The following PDPR variants were observed in gnomAD, a reference collection of about 807,000 sequenced individuals.
PDPR encodes pyruvate dehydrogenase phosphatase regulatory subunit.
In PDPR, 50 loss-of-function variants were observed where a neutral mutation model predicts 102.2. The ratio of observed to expected loss-of-function variants is 0.49; its 90% CI spans 0.39 to 0.62. The LOEUF (loss-of-function observed/expected upper bound fraction) is 0.62, where lower values mean the gene tolerates loss of function less well. PDPR is among the 20% of genes least tolerant of loss of function. PDPR has a pLI of 0.00. For synonymous variants in PDPR, 259 were observed against 406.0 expected (o/e 0.64, Z 4.35); for missense variants, 625 against 1,098.2 (o/e 0.57, Z 6.09).
In PDPR at chr16:70,114,940, C is replaced by G. The variant is rs1459691516; in HGVS notation, c.-33+10C>G. 1 of 152,172 alleles carries G rather than the reference C, an allele frequency of 6.6e-6. No individual in the cohort carries two copies. The highest frequency in any genetic ancestry group is 6.5e-5 in the Admixed American group (1 of 15,274). 9.4% of individuals were successfully genotyped at this position (152,172 alleles called of 1,614,324 possible). On this transcript the variant is annotated intron_variant, in intron 2 of 18. Coordinates refer to ENST00000288050, the MANE Select transcript of PDPR (RefSeq NM_017990.5). ...AATCTGGGACAGGGCAGTAAGCTTC[C>G]TTCTTAATGTTTGACCTTTGGGGGC...
At chr16:70,149,662 G>GCATT (rs1347791953) in intron 17 of PDPR, among the ~76,000 whole-genome samples, 1 of 152,272 alleles carries the variant, frequency 6.6e-6, no homozygotes, top group African/African-American at 2.4e-5. Context: ...CAGTGGCGTA[G>GCATT]CATTCCATTG....
intron 4 of PDPR, 62 bp from the exon 5 acceptor site, chr16:70,128,722 T>A: frequency 1.2e-6 from 2 of 1,612,748 alleles, no homozygotes; most frequent in East Asian, 4.5e-5. Context: ...TCTAGTGGAT[T>A]TTCCACTCTC....
In PDPR at chr16:70,158,840, GCCT is replaced by G. The variant is rs1245944694; in HGVS notation, c.*1966_*1968del. 7.2e-5 allele frequency: 11 copies of G among 152,728 alleles called. No homozygotes were observed. In the East Asian group the frequency reaches 1.9e-3, roughly 27 times the overall value. 9.5% of individuals were successfully genotyped at this position (152,728 alleles called of 1,614,324 possible). On this transcript the variant is annotated 3_prime_UTR_variant, in exon 19 of 19. Transcript: ENST00000288050. Reference sequence around the variant, plus strand: ...GGAGACAGGTGACTGAGAGCTGCAGGCCTCCTCTGCTCTTCCAAACACGTAGCA... The same window carrying G: ...GGAGACAGGTGACTGAGAGCTGCAGGCCTCTGCTCTTCCAAACACGTAGCA...
intron 13 of PDPR, 69 bp from the exon 14 acceptor site, chr16:70,143,441 G>A: frequency 1.3e-6 from 2 of 1,566,624 alleles, no homozygotes; most frequent in Middle Eastern, 1.7e-4. Flanking sequence ...GTTCATTGCT[G>A]GTGGGGCCAT....
Position 70,114,927 on chromosome 16 carries a change from G to C in PDPR, c.-36G>C, listed in dbSNP as rs1169828572. Reference sequence around the variant, plus strand: ...AGTCACCTAGAAAAATCTGGGACAGGGCAGTAAGCTTCCTTCTTAATGTTT... The same window carrying C: ...AGTCACCTAGAAAAATCTGGGACAGCGCAGTAAGCTTCCTTCTTAATGTTT... On this transcript the variant is annotated 5_prime_UTR_variant, in exon 2 of 19. Coordinates refer to ENST00000288050, the MANE Select transcript of PDPR (RefSeq NM_017990.5). The C allele has an allele frequency of 6.6e-6, 1 of 152,214 alleles. No individual in the cohort carries two copies. Among genetic ancestry groups the C allele is most frequent in the Non-Finnish European group, 1.5e-5 (1 of 68,066 alleles). 9.4% of individuals were successfully genotyped at this position (152,214 alleles called of 1,614,324 possible).
At chr16:70,119,724 A>G (rs1319423938) in intron 2 of PDPR, among the ~76,000 whole-genome samples, 2 of 149,666 alleles carry the variant, frequency 1.3e-5, no homozygotes, top group Non-Finnish European at 2.9e-5. Context: ...TTACTCTATC[A>G]TGTTAGCTTT....
chr16:70,123,385 C>T (rs1166986286), intron 3 of PDPR, among the ~76,000 whole-genome samples: 2 of 152,202 alleles, frequency 1.3e-5, no homozygotes, highest in African/African-American at 4.8e-5. Flanking sequence ...TACAGGCATG[C>T]ACTACCATGC....
Position 70,130,535 on chromosome 16 carries a change from T to C in PDPR, c.720T>C (p.Cys240=), listed in dbSNP as rs199521837. 5.5e-4 allele frequency: 886 copies of C among 1,613,454 alleles called. 1 individual carries two copies. The highest frequency in any genetic ancestry group is 6.9e-4 in the Non-Finnish European group (809 of 1,179,434). The change falls in exon 7 of 19, where the codon TGT becomes TGC. Residue 240 remains cysteine (C), a synonymous_variant. Coordinates refer to ENST00000288050, the MANE Select transcript of PDPR (RefSeq NM_017990.5). Reference sequence around the variant, plus strand: ...TTGAATGCCAGTATTTTGTCAACTGTGCTGGCCAGGTAGGTCAGCACCAAC... The same window carrying C: ...TTGAATGCCAGTATTTTGTCAACTGCGCTGGCCAGGTAGGTCAGCACCAAC... The part of the protein sequence containing the change: ...GQIECQYFVN[C]AGQWAYELGL...
intron 10 of PDPR, among the ~76,000 whole-genome samples, chr16:70,137,480 CAG>C (rs1965269621): frequency 6.6e-6 from 1 of 152,244 alleles, no homozygotes; most frequent in Admixed American, 6.5e-5. Flanking sequence ...ATCATAGAGA[CAG>C]AAAGTACAAT....
At chr16:70,122,107 C>T (rs546085533) in intron 3 of PDPR, among the ~76,000 whole-genome samples, 1 of 152,382 alleles carries the variant, frequency 6.6e-6, no homozygotes, top group South Asian at 2.1e-4. Flanking sequence ...CTGCCTCAGC[C>T]TCCCGAGTTG....
chr16:70,137,091 G>A (rs972207703), intron 10 of PDPR, among the ~76,000 whole-genome samples: 3 of 152,028 alleles, frequency 2.0e-5, no homozygotes, highest in Admixed American at 6.6e-5. Context: ...AGTGGCTCAC[G>A]CTTGTAATCC....
rs116899768 is a variant in PDPR at position 70,124,368 on chromosome 16, A to C, written c.228-2892A>C. ...ACAGAGTGAGACTGTCTCAAAAAAT[A>C]ATAGTTATTATTATGCCTTATCCGT... On this transcript the variant is annotated intron_variant, in intron 3 of 18. Coordinates refer to ENST00000288050, the MANE Select transcript of PDPR (RefSeq NM_017990.5). Among the ~76,000 whole-genome samples, 49 of 152,366 alleles carry C rather than the reference A, an allele frequency of 3.2e-4. No homozygotes were observed. The East Asian group carries it at 8.5e-3, about 26-fold the overall frequency.
intron 15 of PDPR, among the ~76,000 whole-genome samples, chr16:70,145,145 C>T (rs1414870269): frequency 3.9e-5 from 6 of 152,040 alleles, no homozygotes; most frequent in African/African-American, 1.2e-4. Flanking sequence ...CCCAGCTACT[C>T]ATGAGGCTGA....
In PDPR at chr16:70,153,396, C is replaced by G. The variant is rs1203803451; in HGVS notation, c.2058C>G (p.Ala686=). The change falls in exon 18 of 19, where the codon GCC becomes GCG. Residue 686 remains alanine (A), a synonymous_variant. Transcript: ENST00000288050. Reference sequence around the variant, plus strand: ...CTTTCTGTCTCTTCCTATAGTACGCCCTGCATGTATACAATGAAGTGATGA... The same window carrying G: ...CTTTCTGTCTCTTCCTATAGTACGCGCTGCATGTATACAATGAAGTGATGA... The part of the protein sequence containing the change: ...GFMLYIPIEY[A]LHVYNEVMSV... 1 of 1,612,962 alleles carries G rather than the reference C, an allele frequency of 6.2e-7. No homozygotes were observed. Among genetic ancestry groups the G allele is most frequent in the South Asian group, 1.1e-5 (1 of 90,844 alleles).
chr16:70,113,777 C>G (rs1227495803), upstream of PDPR: 3 of 146,452 alleles, frequency 2.0e-5, no homozygotes, highest in Non-Finnish European at 1.5e-5. Flanking sequence ...GAACTCAGGT[C>G]CGTTAGTCCG....
chr16:70,156,786 C>G lies in PDPR; in HGVS notation c.2547C>G (p.Phe849Leu). 2 of 1,614,086 alleles carry G rather than the reference C, an allele frequency of 1.2e-6. No individual in the cohort carries two copies. The highest frequency in any genetic ancestry group is 1.7e-6 in the Non-Finnish European group (2 of 1,179,908). Residue 849 changes from phenylalanine to leucine, a missense_variant, in exon 19 of 19, where the codon TTC (phenylalanine) becomes TTG (leucine). By Grantham distance (22) the Phe-to-Leu change is conservative (BLOSUM62 0). Around this residue, in one of 11 missense-constraint regions of PDPR, gnomAD observed 303 missense variants for 258.9 expected, o/e 1.17. Coordinates refer to ENST00000288050, the MANE Select transcript of PDPR (RefSeq NM_017990.5). The part of the protein sequence containing the change: ...EYEIDIAGYR[F>L]QAKAKLYPVA... The stretch of plus-strand genomic sequence containing the variant: ...AGATTGACATCGCGGGATACCGCTT[C>G]CAGGCCAAGGCCAAGCTCTACCCTG...
Position 70,120,176 on chromosome 16 carries a change from A to G in PDPR, c.-32-285A>G, listed in dbSNP as rs139936903. The stretch of plus-strand genomic sequence containing the variant: ...GTTATCCACTCGCCGCGGCCTCCCA[A>G]AGTGCTGGGATTACAGGTGTGAGCC... On this transcript the variant is annotated intron_variant, in intron 2 of 18. Coordinates refer to ENST00000288050, the MANE Select transcript of PDPR (RefSeq NM_017990.5). 3,639 of 287,524 alleles carry G rather than the reference A, an allele frequency of 0.013. 128 individuals are homozygous for G. Among genetic ancestry groups the G allele is most frequent in the African/African-American group, 0.075 (3,395 of 45,282 alleles). The allele number at this position is 287,524 out of a possible 1,614,324, so 17.8% of individuals were successfully genotyped here. A position where few individuals can be genotyped will look rare whatever the true frequency, so the allele number is the denominator to read the frequency against.
intron 3 of PDPR, among the ~76,000 whole-genome samples, chr16:70,122,104 A>G (rs896490219): frequency 2.0e-5 from 3 of 152,180 alleles, no homozygotes; most frequent in Admixed American, 6.5e-5. Context: ...CTCCTGCCTC[A>G]GCCTCCCGAG....
rs144765938 is a variant in PDPR, at chr16:70,157,148, T to C, written c.*269T>C. Reference sequence around the variant, plus strand: ...GCTTCTCGTGGTGGCAGGAGGTATGTCTGACAGGACAGAAGCAAGCTCCAC... The same window carrying C: ...GCTTCTCGTGGTGGCAGGAGGTATGCCTGACAGGACAGAAGCAAGCTCCAC... On this transcript the variant is annotated 3_prime_UTR_variant, in exon 19 of 19. Transcript: ENST00000288050. 3.9e-4 allele frequency: 254 copies of C among 658,510 alleles called. No homozygotes were observed. In the East Asian group the frequency reaches 7.9e-3, roughly 20 times the overall value. The allele number at this position is 658,510 out of a possible 1,614,324, so 40.8% of individuals were successfully genotyped here. A position where few individuals can be genotyped will look rare whatever the true frequency, so the allele number is the denominator to read the frequency against.
Sources: allele counts gnomAD v4.1 joint callset (sites outside exome capture counted in the v4.1 genomes callset), GRCh38; gene constraint gnomAD v4.1.1; regional missense constraint gnomAD v4.1.1; transcripts MANE v1.5; gene names NCBI Gene and HGNC (gene_info 2026-07-23, HGNC 2026-07-21).